The following CCDC178 variants were observed in gnomAD, a reference collection of about 807,000 sequenced individuals.
CCDC178 encodes the protein coiled-coil domain containing 178, also known as coiled-coil domain-containing protein 178.
A neutral mutation model predicts 117.4 loss-of-function variants in CCDC178; 126 were observed. The ratio of observed to expected loss-of-function variants is 1.07; its 90% confidence interval spans 0.93 to 1.24. The LOEUF (loss-of-function observed/expected upper bound fraction) is 1.24, where lower values mean the gene tolerates loss of function less well. Among genes scored for constraint, CCDC178 ranks in the 50% most tolerant of loss-of-function variants. CCDC178 has a pLI of 0.00. For missense variants in CCDC178, 1,030 were observed against 986.9 expected (o/e 1.04, Z -0.59); for synonymous variants, 283 against 313.4 (o/e 0.90, Z 1.02).
intron 6 of CCDC178, among the ~76,000 whole-genome samples, chr18:33,365,445 CATTAGATCTCGGGAGAA>C (rs1435217901): frequency 1.3e-5 from 2 of 152,056 alleles, no homozygotes; most frequent in Non-Finnish European, 2.9e-5. Context: ...CTGCCACTGA[CATTAGATCTCGGGAGAA>C]ATCAGCCTCT....
At chr18:33,104,172 G>A (rs1349357288) in intron 20 of CCDC178, among the ~76,000 whole-genome samples, 1 of 151,692 alleles carries the variant, frequency 6.6e-6, no homozygotes, top group Non-Finnish European at 1.5e-5. Context: ...AAATGATTAA[G>A]TAAATGGATA....
chr18:33,154,359 C>T (rs2058370436), intron 20 of CCDC178, among the ~76,000 whole-genome samples: 1 of 151,936 alleles, frequency 6.6e-6, no homozygotes, highest in African/African-American at 2.4e-5. Context: ...AATTGTGACT[C>T]ATAGACAAGA....
intron 2 of CCDC178, among the ~76,000 whole-genome samples, chr18:33,430,501 T>A (rs2064197295): frequency 6.6e-6 from 1 of 152,150 alleles, no homozygotes; most frequent in Non-Finnish European, 1.5e-5. Context: ...GTAGAGTAGA[T>A]CTTGACCTTA....
At chr18:33,223,337 G>C in intron 17 of CCDC178, 118 bp from the exon 18 acceptor site, 1 of 1,136,496 alleles carries the variant, frequency 8.8e-7, no homozygotes, top group Non-Finnish European at 1.2e-6. Context: ...GGCAAATAAA[G>C]GGAAAGAACC....
At chr18:33,375,736 GA>G (rs940709843) in intron 5 of CCDC178, among the ~76,000 whole-genome samples, 2 of 152,146 alleles carry the variant, frequency 1.3e-5, no homozygotes, top group African/African-American at 4.8e-5. Flanking sequence ...TACAAGCAGT[GA>G]AAATGATGCC....
At chr18:33,039,866 C>A (rs1395580329) in intron 21 of CCDC178, among the ~76,000 whole-genome samples, 1 of 151,874 alleles carries the variant, frequency 6.6e-6, no homozygotes, top group Non-Finnish European at 1.5e-5. Flanking sequence ...GATTAAGAAT[C>A]TAAGAAAGAC....
intron 20 of CCDC178, among the ~76,000 whole-genome samples, chr18:33,104,659 C>A (rs1049353487): frequency 3.3e-5 from 5 of 151,550 alleles, no homozygotes; most frequent in Non-Finnish European, 7.4e-5. Flanking sequence ...ATTGAATGAC[C>A]CACTTTTACG....
At chr18:32,943,956 T>G (rs2054293492) in intron 22 of CCDC178, among the ~76,000 whole-genome samples, 1 of 152,240 alleles carries the variant, frequency 6.6e-6, no homozygotes, top group Non-Finnish European at 1.5e-5. Flanking sequence ...GTAAGTCACC[T>G]TTCTCTTTCA....
chr18:33,299,502 A>AACACACACACACACAC (rs71159812), intron 11 of CCDC178, among the ~76,000 whole-genome samples: 1 of 146,100 alleles, frequency 6.8e-6, no homozygotes, highest in African/African-American at 2.5e-5. Context: ...AACTAGTATA[A>AACACACACACACACAC]ACACACACAC....
intron 12 of CCDC178, among the ~76,000 whole-genome samples, chr18:33,274,191 G>A (rs958849805): frequency 5.9e-5 from 9 of 151,494 alleles, no homozygotes; most frequent in Admixed American, 5.3e-4. Context: ...ATGAGATCCC[G>A]CTATATATCC....
At chr18:33,298,718 C>T (rs2062138829) in intron 11 of CCDC178, among the ~76,000 whole-genome samples, 1 of 152,084 alleles carries the variant, frequency 6.6e-6, no homozygotes, top group African/African-American at 2.4e-5. Context: ...ATGACATAAT[C>T]TTGTATACAG....
intron 17 of CCDC178, 30 bp from the exon 18 acceptor site, chr18:33,223,249 A>T: frequency 6.4e-7 from 1 of 1,559,164 alleles, no homozygotes. Context: ...TAAGATGTGC[A>T]GCATTTGCAA....
chr18:33,130,829 G>A (rs1598914207), intron 20 of CCDC178, among the ~76,000 whole-genome samples: 2 of 151,818 alleles, frequency 1.3e-5, no homozygotes, highest in Admixed American at 6.6e-5. Context: ...TCTTCAATAC[G>A]TTTTCTAGAC....
intron 11 of CCDC178, among the ~76,000 whole-genome samples, chr18:33,313,239 A>C (rs906373813): frequency 6.6e-6 from 1 of 152,208 alleles, no homozygotes; most frequent in Non-Finnish European, 1.5e-5. Flanking sequence ...CAGGTAAAAA[A>C]ATGGTGTTAT....
chr18:32,989,345 G>A (rs370707738), intron 21 of CCDC178, among the ~76,000 whole-genome samples: 25 of 152,214 alleles, frequency 1.6e-4, no homozygotes, highest in East Asian at 1.5e-3. Context: ...ATTAATCCCC[G>A]AAAAGGAGAG....
intron 20 of CCDC178, among the ~76,000 whole-genome samples, chr18:33,181,614 T>C (rs911148474): frequency 6.6e-6 from 1 of 151,950 alleles, no homozygotes; most frequent in African/African-American, 2.4e-5. Flanking sequence ...TTTTGTACTG[T>C]TCAGTGATTT....
chr18:33,338,585 T>C (rs936739813), intron 9 of CCDC178, among the ~76,000 whole-genome samples: 12 of 152,124 alleles, frequency 7.9e-5, no homozygotes, highest in African/African-American at 2.9e-4. Context: ...AATAAAATAA[T>C]GGCATTCACA....
At chr18:33,248,363 G>A (rs979170819) in intron 14 of CCDC178, among the ~76,000 whole-genome samples, 1 of 151,668 alleles carries the variant, frequency 6.6e-6, no homozygotes, top group Non-Finnish European at 1.5e-5. Flanking sequence ...ATGTTGGTGT[G>A]CTGCACTCAT....
chr18:33,362,260 T>C (rs1485619423), intron 6 of CCDC178, among the ~76,000 whole-genome samples: 2 of 151,400 alleles, frequency 1.3e-5, no homozygotes, highest in Non-Finnish European at 3.0e-5. Context: ...ACAACATGAA[T>C]GGACCTGGAA....
Sources: gnomAD v4.1 joint callset for allele counts (sites outside exome capture counted in the v4.1 genomes callset) on GRCh38, gnomAD v4.1.1 for gene constraint, MANE v1.5 for transcripts, NCBI Gene and HGNC (gene_info 2026-07-23, HGNC 2026-07-21) for gene names.